The following SGPP2 variants were observed in gnomAD, a reference collection of about 807,000 sequenced individuals.
The protein encoded by SGPP2 is sphingosine 1-phosphate phosphohydrolase 2.
SGPP2 carries 30 observed loss-of-function variants against 33.9 expected under a neutral mutation model. The ratio of observed to expected loss-of-function variants is 0.89; its 90% confidence interval spans 0.66 to 1.20. The LOEUF (loss-of-function observed/expected upper bound fraction) is 1.20. SGPP2 is among the 50% of genes most tolerant of loss of function. The pLI is 0.00. For synonymous variants in SGPP2, 233 were observed against 225.0 expected (o/e 1.04, Z -0.32); for missense variants, 458 against 532.1 (o/e 0.86, Z 1.37).
chr2:222,473,647 G>A (rs774515810), intron 1 of SGPP2, among the ~76,000 whole-genome samples: 3 of 152,168 alleles, frequency 2.0e-5, no homozygotes, highest in Admixed American at 6.5e-5. Context: ...TTGTCAGGCC[G>A]GGCACGGTGG....
chr2:222,555,898 C>A (rs1689389342), intron 4 of SGPP2, among the ~76,000 whole-genome samples: 1 of 152,198 alleles, frequency 6.6e-6, no homozygotes, highest in Non-Finnish European at 1.5e-5. Flanking sequence ...AACAGTCCTG[C>A]AGTTCATTCT....
chr2:222,424,813 G>A lies in SGPP2; in HGVS notation c.211G>A (p.Ala71Thr). Reference protein sequence around the residue: ...APANGLRRAAAPEAYVQKYVV... With the variant: ...APANGLRRAATPEAYVQKYVV... ...GGCCAACGGGCTGCGCAGAGCCGCGGCGCCGGAGGTAACCATGGGCAGGTG... is the reference window on the plus strand; with the variant it reads ...GGCCAACGGGCTGCGCAGAGCCGCGACGCCGGAGGTAACCATGGGCAGGTG... The change falls in exon 1 of 5, where the codon GCG becomes ACG. Residue 71 changes from alanine to threonine, a missense_variant. Physicochemically the swap from Ala to Thr is moderately conservative, Grantham distance 58. Transcript: ENST00000321276. 7.3e-7 allele frequency: 1 copy of A among 1,368,054 alleles called. No individual in the cohort carries two copies. The highest frequency in any genetic ancestry group is 9.4e-7 in the Non-Finnish European group (1 of 1,063,222). The allele number at this position is 1,368,054 out of a possible 1,614,324, so 84.7% of individuals were successfully genotyped here.
chr2:222,492,261 A>C (rs1698208631), intron 2 of SGPP2, among the ~76,000 whole-genome samples: 1 of 152,174 alleles, frequency 6.6e-6, no homozygotes, highest in Non-Finnish European at 1.5e-5. Context: ...GCCCTAACAG[A>C]GGTTCTCCAT....
chr2:222,477,366 T>A lies in SGPP2; in HGVS notation c.378+2640T>A, dbSNP rs1032096422. ...GTATAGGTGTGTATATATGTGTATGTGTGTATATAGGTGTGTATATATGTG... is the reference window on the plus strand; with the variant it reads ...GTATAGGTGTGTATATATGTGTATGAGTGTATATAGGTGTGTATATATGTG... On this transcript the variant is annotated intron_variant, in intron 2 of 4. Transcript: ENST00000321276. The surrounding 1 kb of genome is among the most constrained non-coding windows in gnomAD (Gnocchi z 6.0). Among the ~76,000 whole-genome samples the A allele has an allele frequency of 6.6e-6, 1 of 151,788 alleles. No individual in the cohort carries two copies. The highest frequency in any genetic ancestry group is 1.5e-5 in the Non-Finnish European group (1 of 67,904).
rs988292029 is a variant in SGPP2 at position 222,477,221 on chromosome 2, G to T, written c.378+2495G>T. Among the ~76,000 whole-genome samples, 4 of 151,214 alleles carry T rather than the reference G, an allele frequency of 2.6e-5. No homozygotes were observed. The highest frequency in any genetic ancestry group is 2.6e-4 in the Admixed American group (4 of 15,202). ...TGTGTGTGCATAGGTGCATATATAT[G>T]TTTATGTATATAGGTGTGTATATAC... On this transcript the variant is annotated intron_variant, in intron 2 of 4. Coordinates refer to ENST00000321276, the MANE Select transcript of SGPP2 (RefSeq NM_152386.4). The surrounding 1 kb of genome is among the most constrained non-coding windows in gnomAD (Gnocchi z 6.0).
At position 222,554,666 on chromosome 2, in the gene SGPP2, T is replaced by C. The variant is rs148166157; in HGVS notation, c.649-3681T>C. Among the ~76,000 whole-genome samples, 477 of 152,274 alleles carry C rather than the reference T, an allele frequency of 3.1e-3. 2 individuals carry two copies. Among genetic ancestry groups the C allele is most frequent in the Middle Eastern group, 0.014 (4 of 294 alleles). On this transcript the variant is annotated intron_variant, in intron 4 of 4. Transcript: ENST00000321276. ...ACAGAACGTTAAACCTCCGCATCTC[T>C]GTCAGCAGGGACAGGCGAGGAGTTG...
chr2:222,464,675 G>T (rs1406578762), intron 1 of SGPP2, among the ~76,000 whole-genome samples: 1 of 152,094 alleles, frequency 6.6e-6, no homozygotes, highest in Non-Finnish European at 1.5e-5. Flanking sequence ...GTAGAGACAG[G>T]TCTCACTATG....
At position 222,485,518 on chromosome 2, in the gene SGPP2, C is replaced by T. The variant is rs538486355; in HGVS notation, c.378+10792C>T. On this transcript the variant is annotated intron_variant, in intron 2 of 4. Coordinates refer to ENST00000321276, the MANE Select transcript of SGPP2 (RefSeq NM_152386.4). ...GAGGGCTGCCTGCAGATCCTGTGGGCTTGTCATTCCTGGGCCCATGTTCTA... is the reference window on the plus strand; with the variant it reads ...GAGGGCTGCCTGCAGATCCTGTGGGTTTGTCATTCCTGGGCCCATGTTCTA... 2.0e-5 allele frequency among the ~76,000 whole-genome samples: 3 copies of T among 152,348 alleles called. No homozygotes were observed. The Middle Eastern group carries it at 0.01, about 518-fold the overall frequency.
Position 222,558,341 on chromosome 2 carries a change from C to T in SGPP2, c.649-6C>T, listed in dbSNP as rs1431479213. 1 of 1,613,044 alleles carries T rather than the reference C, an allele frequency of 6.2e-7. No individual in the cohort carries two copies. Among genetic ancestry groups the T allele is most frequent in the Non-Finnish European group, 8.5e-7 (1 of 1,179,186 alleles). ...TTCACACTGTTCTTTTCTCTCCTTC[C>T]CAAAGGATGTGCTGGGTGGCGTCCT... On this transcript the variant is annotated splice_region_variant and splice_polypyrimidine_tract_variant and intron_variant, in intron 4 of 4. Coordinates refer to ENST00000321276, the MANE Select transcript of SGPP2 (RefSeq NM_152386.4).
chr2:222,469,326 G>C (rs1265211372), intron 1 of SGPP2, among the ~76,000 whole-genome samples: 1 of 152,184 alleles, frequency 6.6e-6, no homozygotes, highest in African/African-American at 2.4e-5. Flanking sequence ...TGGGATTACA[G>C]ACATGTGCCA....
At position 222,522,895 on chromosome 2, in the gene SGPP2, C is replaced by A. The variant is rs572925028; in HGVS notation, c.558+949C>A. Among the ~76,000 whole-genome samples the A allele has an allele frequency of 4.6e-5, 7 of 152,278 alleles. No homozygotes were observed. In the East Asian group the frequency reaches 1.3e-3, roughly 29 times the overall value. Reference sequence around the variant, plus strand: ...AAGGGGTCTTGCTGTGTTGCCCAGGCTGGTCTTGAACTCCTGGCCTCAAGC... The same window carrying A: ...AAGGGGTCTTGCTGTGTTGCCCAGGATGGTCTTGAACTCCTGGCCTCAAGC... On this transcript the variant is annotated intron_variant, in intron 3 of 4. Transcript: ENST00000321276.
chr2:222,519,361 A>G (rs879358687), intron 2 of SGPP2, among the ~76,000 whole-genome samples: 4 of 152,290 alleles, frequency 2.6e-5, no homozygotes, highest in East Asian at 3.8e-4. Flanking sequence ...TTCTCAGACA[A>G]TGCTTTAAGT....
chr2:222,513,777 G>T (rs893331732), intron 2 of SGPP2, among the ~76,000 whole-genome samples: 6 of 151,730 alleles, frequency 4.0e-5, no homozygotes, highest in African/African-American at 1.2e-4. Context: ...AGGTCAAAGA[G>T]TACCTACAGC....
At chr2:222,455,193 G>A (rs902674009) in intron 1 of SGPP2, among the ~76,000 whole-genome samples, 5 of 146,794 alleles carry the variant, frequency 3.4e-5, no homozygotes, top group African/African-American at 1.0e-4. Context: ...AACATAGTGA[G>A]ACCCCCCACC....
intron 4 of SGPP2, among the ~76,000 whole-genome samples, chr2:222,548,409 T>C (rs1414238185): frequency 6.6e-6 from 1 of 152,262 alleles, no homozygotes; most frequent in African/African-American, 2.4e-5. Flanking sequence ...ATTGACATAC[T>C]TTTTTCTACC....
At chr2:222,469,728 T>G (rs1697809539) in intron 1 of SGPP2, among the ~76,000 whole-genome samples, 2 of 152,180 alleles carry the variant, frequency 1.3e-5, no homozygotes, top group African/African-American at 4.8e-5. Context: ...TTCCTACTAT[T>G]TCCAAAGATG....
chr2:222,436,955 C>T (rs980788244), intron 1 of SGPP2, among the ~76,000 whole-genome samples: 7 of 152,166 alleles, frequency 4.6e-5, no homozygotes, highest in Non-Finnish European at 8.8e-5. Context: ...TGGGCCCATG[C>T]GTAACCTCCA....
rs576259310 is a variant in SGPP2, at chr2:222,460,428, C to T, written c.220-14140C>T. On this transcript the variant is annotated intron_variant, in intron 1 of 4. Coordinates refer to ENST00000321276, the MANE Select transcript of SGPP2 (RefSeq NM_152386.4). The surrounding 1 kb of genome is among the most constrained non-coding windows in gnomAD (Gnocchi z 4.3). ...AAAACCCCTGAGAACACGACATAAG[C>T]GGTTGAGCTTCATGGCAATATGTCT... 2.4e-3 allele frequency among the ~76,000 whole-genome samples: 360 copies of T among 152,230 alleles called. 1 individual carries two copies. The highest frequency in any genetic ancestry group is 8.4e-3 in the African/African-American group (349 of 41,532).
intron 1 of SGPP2, among the ~76,000 whole-genome samples, chr2:222,448,672 A>G (rs1697432422): frequency 6.6e-6 from 1 of 152,248 alleles, no homozygotes. Context: ...AGCCTCAGAA[A>G]GACATGCTTT....
Sources: gnomAD v4.1 joint callset for allele counts (sites outside exome capture counted in the v4.1 genomes callset) on GRCh38, gnomAD v4.1.1 for gene constraint, Gnocchi (gnomAD v3.1) non-coding constraint, MANE v1.5 for transcripts, NCBI Gene and HGNC (gene_info 2026-07-23, HGNC 2026-07-21) for gene names.